The following IL1RAPL1 variants were observed in gnomAD, a reference collection of about 807,000 sequenced individuals.
IL1RAPL1 encodes the protein interleukin-1 receptor accessory protein-like 1.
In IL1RAPL1, 3 loss-of-function variants were observed where a neutral mutation model predicts 48.4. The ratio of observed to expected loss-of-function variants is 0.06; its 90% CI spans 0.03 to 0.16. The LOEUF (loss-of-function observed/expected upper bound fraction) is 0.16. Among genes scored for constraint, IL1RAPL1 ranks in the 10% least tolerant of loss-of-function variants. IL1RAPL1 has a pLI of 1.00. For missense variants in IL1RAPL1, 349 were observed against 530.6 expected, an observed-to-expected ratio of 0.66 and a Z score of 3.36; for synonymous variants, 185 against 187.7, an observed-to-expected ratio of 0.99 and a Z score of 0.12.
intron 5 of IL1RAPL1, among the ~76,000 whole-genome samples, chrX:29,408,528 T>A (rs1222363272): frequency 1.8e-5 from 2 of 110,828 alleles, no homozygotes; most frequent in African/African-American, 6.5e-5. Flanking sequence ...CCCAAGTAAA[T>A]TTGAGAGTCA....
intron 1 of IL1RAPL1, among the ~76,000 whole-genome samples, chrX:28,757,126 T>C (rs921493436): frequency 8.9e-6 from 1 of 112,554 alleles, no homozygotes; most frequent in African/African-American, 3.2e-5. Flanking sequence ...TCCTTCAATT[T>C]CTTTACCTTG....
At chrX:28,736,156 G>A (rs1178189620) in intron 1 of IL1RAPL1, among the ~76,000 whole-genome samples, 1 of 111,295 alleles carries the variant, frequency 9.0e-6, no homozygotes, top group East Asian at 2.8e-4. Context: ...CTCACAGGCT[G>A]GGCGTGGTGG....
intron 2 of IL1RAPL1, among the ~76,000 whole-genome samples, chrX:28,941,384 G>T (rs1256037843): frequency 1.8e-5 from 2 of 110,966 alleles, no homozygotes; most frequent in Non-Finnish European, 3.8e-5. Context: ...TAAATAAAAA[G>T]AAATTTATGA....
intron 3 of IL1RAPL1, among the ~76,000 whole-genome samples, chrX:29,351,412 T>A (rs1933228589): frequency 8.9e-6 from 1 of 111,768 alleles, no homozygotes; most frequent in Non-Finnish European, 1.9e-5. Context: ...AATGCCTTCT[T>A]CCTAGGCTAT....
At chrX:29,031,225 T>C (rs1926611839) in intron 2 of IL1RAPL1, among the ~76,000 whole-genome samples, 1 of 112,357 alleles carries the variant, frequency 8.9e-6, no homozygotes, top group African/African-American at 3.2e-5. Context: ...CTTGGATGTG[T>C]AAATTAAATT....
At chrX:29,155,970 A>G (rs1406429692) in intron 2 of IL1RAPL1, among the ~76,000 whole-genome samples, 12 of 110,892 alleles carry the variant, frequency 1.1e-4, no homozygotes, top group Non-Finnish European at 2.1e-4. Flanking sequence ...TAGTATATGA[A>G]TTTAGAATTC....
At chrX:29,744,247 T>TC (rs1928276919) in intron 6 of IL1RAPL1, among the ~76,000 whole-genome samples, 1 of 111,843 alleles carries the variant, frequency 8.9e-6, no homozygotes, top group African/African-American at 3.3e-5. Flanking sequence ...TTGTTTCTTT[T>TC]CCCCCTTGTG....
chrX:29,215,270 G>A (rs1367960181), intron 2 of IL1RAPL1, among the ~76,000 whole-genome samples: 1 of 109,374 alleles, frequency 9.1e-6, no homozygotes, highest in Non-Finnish European at 1.9e-5. Flanking sequence ...TTGAACCTGG[G>A]AGGCGGAGGT....
intron 2 of IL1RAPL1, among the ~76,000 whole-genome samples, chrX:29,081,346 G>A (rs746294388): frequency 3.7e-5 from 4 of 109,352 alleles, no homozygotes; most frequent in South Asian, 7.9e-4. Context: ...GTGAGCCACC[G>A]TGCCCAGACA....
At chrX:29,182,355 G>A (rs377634625) in intron 2 of IL1RAPL1, among the ~76,000 whole-genome samples, 2 of 112,073 alleles carry the variant, frequency 1.8e-5, no homozygotes, top group East Asian at 5.6e-4. Flanking sequence ...GCAGACAGGT[G>A]TGTAGCACTA....
At chrX:29,560,368 T>A (rs779399755) in intron 5 of IL1RAPL1, among the ~76,000 whole-genome samples, 2 of 112,096 alleles carry the variant, frequency 1.8e-5, no homozygotes, top group East Asian at 5.6e-4. Flanking sequence ...ATCTTTGAGT[T>A]TTTGTATTTG....
At chrX:29,832,126 C>T (rs1429941035) in intron 6 of IL1RAPL1, among the ~76,000 whole-genome samples, 1 of 111,814 alleles carries the variant, frequency 8.9e-6, no homozygotes, top group Non-Finnish European at 1.9e-5. Context: ...TATTCTACTT[C>T]TATTAGATTA....
chrX:29,456,254 T>A (rs1229767168), intron 5 of IL1RAPL1, among the ~76,000 whole-genome samples: 1 of 112,105 alleles, frequency 8.9e-6, no homozygotes, highest in Non-Finnish European at 1.9e-5. Flanking sequence ...AATCTCAGTT[T>A]TAAGAAATGA....
chrX:28,830,992 T>TTCTCTCTCTCTCTCTCTCTCTCTC (rs1160527555), intron 2 of IL1RAPL1, among the ~76,000 whole-genome samples: 2 of 16,069 alleles, frequency 1.2e-4, no homozygotes, highest in African/African-American at 5.5e-4. Flanking sequence ...TGCCCAGGGT[T>TTCTCTCTCTCTCTCTCTCTCTCTC]TCTCTCTCTC....
intron 7 of IL1RAPL1, among the ~76,000 whole-genome samples, 170 bp from the exon 8 acceptor site, chrX:29,919,779 G>A (rs899519363): frequency 2.7e-5 from 3 of 112,433 alleles, no homozygotes; most frequent in Non-Finnish European, 5.6e-5. Flanking sequence ...CTCATTACAA[G>A]TGAAGAAGAA....
chrX:28,852,479 C>G (rs934731354), intron 2 of IL1RAPL1, among the ~76,000 whole-genome samples: 2 of 110,800 alleles, frequency 1.8e-5, no homozygotes, highest in South Asian at 7.6e-4. Context: ...TCCATATTAA[C>G]CTTGATAATT....
At chrX:29,672,382 T>C (rs1029989205) in intron 6 of IL1RAPL1, among the ~76,000 whole-genome samples, 10 of 111,765 alleles carry the variant, frequency 8.9e-5, no homozygotes, top group South Asian at 7.4e-4. Flanking sequence ...AAAGTATATC[T>C]TTATAACATA....
At chrX:29,138,795 A>G (rs1321741180) in intron 2 of IL1RAPL1, among the ~76,000 whole-genome samples, 1 of 107,673 alleles carries the variant, frequency 9.3e-6, no homozygotes, top group African/African-American at 3.4e-5. Context: ...AAAAAAAAAG[A>G]AAGAAAACAA....
intron 6 of IL1RAPL1, among the ~76,000 whole-genome samples, chrX:29,676,465 A>C (rs1926287340): frequency 8.9e-6 from 1 of 111,745 alleles, no homozygotes; most frequent in Non-Finnish European, 1.9e-5. Context: ...TCTCCCCTTT[A>C]AGGATTCAAT....
Sources: allele counts gnomAD v4.1 joint callset (sites outside exome capture counted in the v4.1 genomes callset), GRCh38; gene constraint gnomAD v4.1.1; transcripts MANE v1.5; gene names NCBI Gene and HGNC (gene_info 2026-07-23, HGNC 2026-07-21).